MTMR8: variants seen among roughly 807,000 people sequenced by gnomAD.
MTMR8 encodes the protein phosphatidylinositol-3,5-bisphosphate 3-phosphatase MTMR8.
In MTMR8, 65 loss-of-function variants were observed where a neutral mutation model predicts 39.3. The ratio of observed to expected loss-of-function variants is 1.65; its 90% confidence interval spans 1.35 to 2.03. MTMR8 has a LOEUF of 2.03. Among genes scored for constraint, MTMR8 ranks in the 30% most tolerant of loss-of-function variants. The probability of loss-of-function intolerance (pLI) is 0.00; values close to 1 mark genes in which losing one functional copy is unlikely to be tolerated. For missense variants in MTMR8, 777 were observed against 538.9 expected, an observed-to-expected ratio of 1.44 and a Z score of -4.37; for synonymous variants, 245 against 185.2, an observed-to-expected ratio of 1.32 and a Z score of -2.62.
In MTMR8 at chrX:64,354,835, C is replaced by T. The variant is rs369728445; in HGVS notation, c.410G>A (p.Gly137Glu). Residue 137 changes from glycine to glutamate, a missense_variant, in exon 4 of 14, where the codon GGG (glycine) becomes GAG (glutamate). Gly to Glu is a moderately conservative substitution (Grantham distance 98). Coordinates refer to ENST00000374852, the MANE Select transcript of MTMR8 (RefSeq NM_017677.4). ...WKLIDPISDFGRMGIPNRNWT... is the reference protein window; with the variant it reads ...WKLIDPISDFERMGIPNRNWT... The stretch of plus-strand genomic sequence containing the variant: ...GTTTCTGTTGGGTATTCCCATACGC[C>T]CAAAGTCTGATATTGGGTCAATCAG... 43 of 1,204,632 alleles carry T rather than the reference C, an allele frequency of 3.6e-5. No homozygotes were observed. Among genetic ancestry groups the T allele is most frequent in the Non-Finnish European group, 4.8e-5 (43 of 892,085 alleles).
chrX:64,276,949 A>G (rs964200117), intron 12 of MTMR8, among the ~76,000 whole-genome samples: 7 of 111,775 alleles, frequency 6.3e-5, no homozygotes, highest in Non-Finnish European at 1.1e-4. Context: ...TTGGGTGCAT[A>G]TATATTTAGG....
At chrX:64,386,183 A>G (rs1169419193) in intron 1 of MTMR8, among the ~76,000 whole-genome samples, 2 of 111,795 alleles carry the variant, frequency 1.8e-5, no homozygotes, top group Non-Finnish European at 3.8e-5. Flanking sequence ...TACAAAATAC[A>G]CTGTTCTGTT....
intron 12 of MTMR8, chrX:64,305,827 T>G: frequency 3.1e-6 from 1 of 325,082 alleles, no homozygotes; most frequent in Non-Finnish European, 5.8e-6. Context: ...AAATTGGCCA[T>G]AACCCAGGCT....
chrX:64,290,258 T>TAA (rs1395567019), intron 12 of MTMR8, among the ~76,000 whole-genome samples: 1 of 110,214 alleles, frequency 9.1e-6, no homozygotes, highest in African/African-American at 3.3e-5. Context: ...TTACTACACT[T>TAA]AAAAGTAAAT....
At position 64,271,073 on chromosome X, in the gene MTMR8, C is replaced by A. The variant is rs202072243; in HGVS notation, c.1482G>T (p.Gln494His). ...AGCGGTTATACATCCCACACCAGAA[C>A]CTCAAATAGACAAAAATGGGGGGAA... ...LNPSTVPYNI[Q>H]FWCGMYNRFD... The change falls in exon 13 of 14, where the codon CAG becomes CAT. Residue 494 changes from glutamine (Q) to histidine (H), a missense_variant and splice_region_variant. Coordinates refer to ENST00000374852, the MANE Select transcript of MTMR8 (RefSeq NM_017677.4). 4.2e-5 allele frequency: 50 copies of A among 1,184,347 alleles called. No individual in the cohort carries two copies. Among genetic ancestry groups the A allele is most frequent in the Non-Finnish European group, 5.7e-5 (50 of 884,289 alleles).
Position 64,356,323 on chromosome X carries a change from T to C in MTMR8, c.163A>G (p.Ile55Val), listed in dbSNP as rs1319091963. 8.3e-7 allele frequency: 1 copy of C among 1,201,105 alleles called. No individual in the cohort carries two copies. Among genetic ancestry groups the C allele is most frequent in the African/African-American group, 1.8e-5 (1 of 56,414 alleles). ...RKETWIALHH[I>V]ATVEKLPITS... The stretch of plus-strand genomic sequence containing the variant: ...ATGGGTAACTTCTCCACAGTGGCAA[T>C]GTGATGGAGTGCAATCTGAAAAACA... The change falls in exon 3 of 14, where the codon ATT (isoleucine) becomes GTT (valine). Residue 55 changes from isoleucine to valine, a missense_variant. Physicochemically the swap from Ile to Val is conservative, Grantham distance 29. Transcript: ENST00000374852.
At chrX:64,312,321 T>A (rs977866847) in intron 12 of MTMR8, among the ~76,000 whole-genome samples, 3 of 111,590 alleles carry the variant, frequency 2.7e-5, no homozygotes, top group African/African-American at 9.8e-5. Context: ...TATTGGTGTA[T>A]AGGAATCCGT....
chrX:64,368,377 A>G (rs911553524), intron 1 of MTMR8, among the ~76,000 whole-genome samples: 12 of 111,997 alleles, frequency 1.1e-4, no homozygotes, highest in Admixed American at 9.5e-4. Flanking sequence ...GGCTATAGTA[A>G]CCAAAACAGC....
chrX:64,387,795 G>A (rs780924968), intron 1 of MTMR8, among the ~76,000 whole-genome samples: 1 of 107,948 alleles, frequency 9.3e-6, no homozygotes, highest in Admixed American at 1.0e-4. Context: ...GAGGAGAGAG[G>A]AAAGGAGGGA....
At position 64,359,445 on chromosome X, in the gene MTMR8, A is replaced by G; in HGVS notation, c.107T>C (p.Ile36Thr). ...GILYLTATHL[I>T]YVEASGAARK... ...GGCTGCACCTGAAGCCTCCACATAG[A>G]TCAGGTGGGTTGCAGTAAGATAAAG... Residue 36 changes from isoleucine to threonine, a missense_variant, in exon 2 of 14, where the codon ATC becomes ACC. Physicochemically the swap from Ile to Thr is moderately conservative, Grantham distance 89. Coordinates refer to ENST00000374852, the MANE Select transcript of MTMR8 (RefSeq NM_017677.4). 2.5e-6 allele frequency: 3 copies of G among 1,207,919 alleles called. No homozygotes were observed. Among genetic ancestry groups the G allele is most frequent in the Non-Finnish European group, 3.4e-6 (3 of 892,892 alleles).
chrX:64,303,648 T>A (rs943677590), intron 12 of MTMR8, among the ~76,000 whole-genome samples: 6 of 112,575 alleles, frequency 5.3e-5, no homozygotes, highest in Non-Finnish European at 9.4e-5. Flanking sequence ...TTACTGTACA[T>A]AACCTCAAAA....
chrX:64,366,572 C>A (rs754936563), intron 1 of MTMR8, among the ~76,000 whole-genome samples: 1 of 111,907 alleles, frequency 8.9e-6, no homozygotes, highest in South Asian at 3.7e-4. Flanking sequence ...AACAAACACA[C>A]AATGTAACAG....
Position 64,372,172 on chromosome X carries a change from CA to C in MTMR8, c.25-12646del, listed in dbSNP as rs749924587. Among the ~76,000 whole-genome samples, 888 of 94,696 alleles carry C rather than the reference CA, an allele frequency of 9.4e-3. 6 individuals are homozygous for C. Among genetic ancestry groups the C allele is most frequent in the East Asian group, 0.014 (44 of 3,078 alleles). 82.2% of individuals were successfully genotyped at this position (94,696 alleles called of 115,157 possible). On this transcript the variant is annotated intron_variant, in intron 1 of 13. Transcript: ENST00000374852. ...ATAATTATAGATTCATAGGAAATTGCAAAAAAAAAAAAATTACAGGAAGTTC... is the reference window on the plus strand; with the variant it reads ...ATAATTATAGATTCATAGGAAATTGCAAAAAAAAAAAATTACAGGAAGTTC...
chrX:64,349,865 T>G (rs1923441684), intron 5 of MTMR8, 77 bp downstream of exon 5: 1 of 905,425 alleles, frequency 1.1e-6, no homozygotes, highest in Non-Finnish European at 1.5e-6. Context: ...ACACAGCTAC[T>G]AAGTGGCAGC....
chrX:64,269,054 A>G lies in MTMR8; in HGVS notation c.1609-11T>C. The G allele has an allele frequency of 2.5e-6, 3 of 1,203,148 alleles. No individual in the cohort carries two copies. The highest frequency in any genetic ancestry group is 3.4e-6 in the Non-Finnish European group (3 of 891,338). On this transcript the variant is annotated splice_polypyrimidine_tract_variant and intron_variant, in intron 13 of 13. Coordinates refer to ENST00000374852, the MANE Select transcript of MTMR8 (RefSeq NM_017677.4). ...ACGGACTTTTAGTTTCTGCCTCAGGAGCAAGAAAGGGTTGAGAAGAATTAG... is the reference window on the plus strand; with the variant it reads ...ACGGACTTTTAGTTTCTGCCTCAGGGGCAAGAAAGGGTTGAGAAGAATTAG...
intron 12 of MTMR8, among the ~76,000 whole-genome samples, chrX:64,322,583 C>T (rs770627616): frequency 1.2e-4 from 13 of 112,116 alleles, no homozygotes; most frequent in Admixed American, 6.6e-4. Flanking sequence ...TAATTACTCA[C>T]TGTACACCTT....
chrX:64,359,363 CAACTCTTTAA>C (rs773497657), intron 2 of MTMR8, 32 bp downstream of exon 2: 19 of 1,161,557 alleles, frequency 1.6e-5, no homozygotes, highest in Non-Finnish European at 2.1e-5. Context: ...CATGTATGCA[CAACTCTTTAA>C]GACTCTTTGA....
At chrX:64,325,848 A>T (rs1011476980) in intron 12 of MTMR8, among the ~76,000 whole-genome samples, 1 of 111,761 alleles carries the variant, frequency 8.9e-6, no homozygotes, top group African/African-American at 3.3e-5. Flanking sequence ...AAGTTAAACT[A>T]TCCCTGGTTG....
intron 1 of MTMR8, among the ~76,000 whole-genome samples, chrX:64,394,833 C>T (rs757569158): frequency 1.6e-4 from 18 of 112,295 alleles, no homozygotes; most frequent in Non-Finnish European, 3.2e-4. Flanking sequence ...CACAAACCCT[C>T]ACAGGCATGC....
Sources: gnomAD v4.1 joint callset for allele counts (sites outside exome capture counted in the v4.1 genomes callset) on GRCh38, gnomAD v4.1.1 for gene constraint, MANE v1.5 for transcripts, NCBI Gene and HGNC (gene_info 2026-07-23, HGNC 2026-07-21) for gene names.